The following PSG3 variants were observed in gnomAD, a reference collection of about 807,000 sequenced individuals.
PSG3 encodes the protein pregnancy-specific beta-1-glycoprotein 3.
PSG3 carries 61 observed loss-of-function variants against 47.5 expected under a neutral mutation model. The ratio of observed to expected loss-of-function variants is 1.28; its 90% CI spans 1.05 to 1.59. PSG3 has a LOEUF of 1.59. PSG3 is among the 40% of genes most tolerant of loss of function. PSG3 has a pLI of 0.00. For missense variants in PSG3, 756 were observed against 524.0 expected, an observed-to-expected ratio of 1.44 and a Z score of -4.32; for synonymous variants, 263 against 198.4, an observed-to-expected ratio of 1.33 and a Z score of -2.74.
chr19:42,724,289 A>G (rs974721008), intron 5 of PSG3, among the ~76,000 whole-genome samples: 3 of 152,020 alleles, frequency 2.0e-5, no homozygotes, highest in African/African-American at 4.8e-5. Context: ...AGAAAGGCTG[A>G]TTGCTATTTT....
chr19:42,737,347 C>T (rs1969582003), intron 2 of PSG3, among the ~76,000 whole-genome samples: 1 of 152,030 alleles, frequency 6.6e-6, no homozygotes, highest in Admixed American at 6.5e-5. Flanking sequence ...CATTCCATTT[C>T]TTCATTTGTT....
rs1229719806 is a variant in PSG3 at position 42,723,945 on chromosome 19, C to T, written c.*37G>A. On this transcript the variant is annotated 3_prime_UTR_variant, in exon 6 of 7. Transcript: ENST00000327495. ...ATAAGAGGAAAGGTCATCATACCTG[C>T]CAGTCTTCCTGAAATACAGAAATGA... is the stretch of plus-strand genomic sequence containing the variant. 2.5e-6 allele frequency: 4 copies of T among 1,580,572 alleles called. No individual in the cohort carries two copies. Among genetic ancestry groups the T allele is most frequent in the Admixed American group, 1.7e-5 (1 of 59,972 alleles).
intron 2 of PSG3, among the ~76,000 whole-genome samples, chr19:42,734,759 G>A (rs150706394): frequency 1.6e-3 from 248 of 152,298 alleles, no homozygotes; most frequent in Middle Eastern, 0.01. Context: ...TGTGTCAATT[G>A]CATAAAGGGA....
Position 42,735,066 on chromosome 19 carries a change from G to A in PSG3, c.431-2004C>T, listed in dbSNP as rs568496605. ...AGTTGTATGTGGCACAGGCAGTAAA[G>A]CCATCAGATAGCACCCACCTGGCCA... is the stretch of plus-strand genomic sequence containing the variant. On this transcript the variant is annotated intron_variant, in intron 2 of 6. Transcript: ENST00000327495. Among the ~76,000 whole-genome samples the A allele has an allele frequency of 5.1e-4, 77 of 152,310 alleles. No individual in the cohort carries two copies. The South Asian group carries it at 6.4e-3, about 13-fold the overall frequency.
chr19:42,726,962 C>T (rs1295933673), intron 5 of PSG3, among the ~76,000 whole-genome samples: 3 of 152,090 alleles, frequency 2.0e-5, no homozygotes, highest in African/African-American at 4.8e-5. Flanking sequence ...TATAATAACC[C>T]AGAAAGAAAT....
At chr19:42,722,677 C>T (rs573697883) in intron 6 of PSG3, among the ~76,000 whole-genome samples, 25 of 152,224 alleles carry the variant, frequency 1.6e-4, no homozygotes, top group South Asian at 1.2e-3. Context: ...CTTTTCCATT[C>T]AGCTTCTGTT....
chr19:42,723,401 G>A (rs1181175254), intron 6 of PSG3, among the ~76,000 whole-genome samples: 1 of 152,198 alleles, frequency 6.6e-6, no homozygotes, highest in Non-Finnish European at 1.5e-5. Context: ...TAATTAGGAT[G>A]GAGGAATTAT....
rs145391934 is a variant in PSG3 at position 42,738,967 on chromosome 19, C to T, written c.187G>A (p.Ala63Thr). The T allele has an allele frequency of 7.5e-4, 1,207 of 1,613,990 alleles. 1 individual carries two copies. Among genetic ancestry groups the T allele is most frequent in the Middle Eastern group, 2.5e-3 (15 of 6,058 alleles). Residue 63 changes from alanine to threonine, a missense_variant, in exon 2 of 7, where the codon GCT becomes ACT. By Grantham distance (58) the Ala-to-Thr change is moderately conservative (BLOSUM62 0). Coordinates refer to ENST00000327495, the MANE Select transcript of PSG3 (RefSeq NM_021016.4). ...LLVHNLPQNL[A>T]GYIWYKGQMK... ...TGCCCTTTGTACCAGATGTAGCCAGCAAGATTCTGGGGCAAATTGTGGACA... is the reference window on the plus strand; with the variant it reads ...TGCCCTTTGTACCAGATGTAGCCAGTAAGATTCTGGGGCAAATTGTGGACA...
At chr19:42,729,562 C>A (rs567180512) in intron 4 of PSG3, among the ~76,000 whole-genome samples, 185 bp from the exon 5 acceptor site, 1 of 152,258 alleles carries the variant, frequency 6.6e-6, no homozygotes, top group East Asian at 1.9e-4. Context: ...AAGCTGTGGG[C>A]CCCAAGTCTC....
chr19:42,729,027 A>C, intron 5 of PSG3, 96 bp downstream of exon 5: 1 of 1,602,562 alleles, frequency 6.2e-7, no homozygotes, highest in East Asian at 2.2e-5. Flanking sequence ...CCCATGGGAC[A>C]CAGGCTGGGA....
intron 1 of PSG3, among the ~76,000 whole-genome samples, chr19:42,740,033 AT>A (rs758001418): frequency 7.3e-5 from 11 of 150,900 alleles, no homozygotes; most frequent in Non-Finnish European, 1.3e-4. Context: ...GCTCACTGCA[AT>A]TTCTTCCTCC....
At chr19:42,736,128 C>T (rs980021754) in intron 2 of PSG3, among the ~76,000 whole-genome samples, 1 of 152,166 alleles carries the variant, frequency 6.6e-6, no homozygotes, top group African/African-American at 2.4e-5. Context: ...TAGTGAAAGA[C>T]CATGAGATTA....
In PSG3 at chr19:42,738,271, G is replaced by A. The variant is rs542777152; in HGVS notation, c.430+453C>T. 2.6e-4 allele frequency among the ~76,000 whole-genome samples: 40 copies of A among 152,300 alleles called. No individual in the cohort carries two copies. In the South Asian group the frequency reaches 7.5e-3, roughly 28 times the overall value. On this transcript the variant is annotated intron_variant, in intron 2 of 6. Transcript: ENST00000327495. ...TCCCAGTAAGCCCTGCCCAAGAAGC[G>A]ACAACCCAGCCCCAGTACAGGCTCC...
intron 3 of PSG3, among the ~76,000 whole-genome samples, chr19:42,731,359 T>C (rs1969470757): frequency 6.6e-6 from 1 of 152,242 alleles, no homozygotes; most frequent in Non-Finnish European, 1.5e-5. Flanking sequence ...GCATTTCTTT[T>C]CAGCATCAGA....
chr19:42,738,761 A>T lies in PSG3; in HGVS notation c.393T>A (p.Thr131=). The change falls in exon 2 of 7, where the codon ACT becomes ACA. Residue 131 remains threonine (T), a synonymous_variant. Transcript: ENST00000327495. ...TLHIVKRGDG[T]RGETGHFTFT... Reference sequence around the variant, plus strand: ...AGGTGAAATGTCCAGTTTCTCCTCTAGTCCCATCACCTCGCTTTACGATGT... The same window carrying T: ...AGGTGAAATGTCCAGTTTCTCCTCTTGTCCCATCACCTCGCTTTACGATGT... The T allele has an allele frequency of 6.2e-7, 1 of 1,614,032 alleles. No homozygotes were observed.
intron 5 of PSG3, among the ~76,000 whole-genome samples, chr19:42,725,149 T>A (rs574384791): frequency 6.6e-6 from 1 of 152,308 alleles, no homozygotes; most frequent in East Asian, 1.9e-4. Context: ...CAGCTGACAT[T>A]GGTTCCACTG....
intron 3 of PSG3, 133 bp downstream of exon 3, chr19:42,732,651 A>C: frequency 6.2e-7 from 1 of 1,600,914 alleles, no homozygotes; most frequent in Non-Finnish European, 8.5e-7. Context: ...CTGGGGCAGA[A>C]AGTCATGGCC....
Position 42,732,740 on chromosome 19 carries a change from T to C in PSG3, c.709+44A>G, listed in dbSNP as rs755024584. On this transcript the variant is annotated intron_variant, in intron 3 of 6. Coordinates refer to ENST00000327495, the MANE Select transcript of PSG3 (RefSeq NM_021016.4). ...GAGGCCTGGCCTCTGGCCACGTGTA[T>C]TTGGGATGGCAGACTGGCTCACAGA... The C allele has an allele frequency of 1.9e-5, 31 of 1,613,978 alleles. No individual in the cohort carries two copies. The South Asian group carries it at 3.3e-4, about 17-fold the overall frequency.
rs533857206 is a variant in PSG3 at position 42,726,853 on chromosome 19, T to C, written c.1243+2270A>G. 3.3e-5 allele frequency among the ~76,000 whole-genome samples: 5 copies of C among 152,326 alleles called. No homozygotes were observed. In the South Asian group the frequency reaches 1.0e-3, roughly 32 times the overall value. On this transcript the variant is annotated intron_variant, in intron 5 of 6. Coordinates refer to ENST00000327495, the MANE Select transcript of PSG3 (RefSeq NM_021016.4). ...CAGCTTTGAAGAGGAAGAATGAAGC[T>C]GGAGGACTCACACTTCCTGATTTCA...
Sources: gnomAD v4.1 joint callset for allele counts (sites outside exome capture counted in the v4.1 genomes callset) on GRCh38, gnomAD v4.1.1 for gene constraint, MANE v1.5 for transcripts, NCBI Gene and HGNC (gene_info 2026-07-23, HGNC 2026-07-21) for gene names.